ABCB5: variants seen among roughly 807,000 people sequenced by gnomAD.
ABCB5 encodes ATP-binding cassette sub-family B member 5.
A neutral mutation model predicts 144.2 loss-of-function variants in ABCB5; 155 were observed. That is an observed-to-expected ratio of 1.08 (90% CI 0.94 to 1.23). ABCB5 has a LOEUF of 1.23. Ranked by LOEUF, ABCB5 falls within the 50% of genes most tolerant of loss-of-function variation. ABCB5 has a pLI of 0.00. For missense variants in ABCB5, 1,830 were observed against 1,520.8 expected (o/e 1.20, Z -3.38); for synonymous variants, 610 against 528.6 (o/e 1.15, Z -2.11).
At chr7:20,719,588 A>G (rs1250125091) in intron 20 of ABCB5, among the ~76,000 whole-genome samples, 1 of 152,186 alleles carries the variant, frequency 6.6e-6, no homozygotes, top group Non-Finnish European at 1.5e-5. Context: ...AGTGTGGGAA[A>G]GGGGTAGGGC....
chr7:20,698,646 T>G, intron 17 of ABCB5, 96 bp downstream of exon 17: 2 of 1,281,150 alleles, frequency 1.6e-6, no homozygotes, highest in South Asian at 1.6e-5. Context: ...AGGGGAAAAT[T>G]GGGACTTTTA....
chr7:20,736,374 C>T (rs895194204), intron 23 of ABCB5, among the ~76,000 whole-genome samples: 5 of 152,080 alleles, frequency 3.3e-5, no homozygotes, highest in Non-Finnish European at 7.4e-5. Context: ...TGTGCCAACA[C>T]ACCCAGCTAA....
chr7:20,655,102 A>G (rs13243492), intron 13 of ABCB5, among the ~76,000 whole-genome samples: 36,599 of 127,392 alleles, frequency 0.29, 4,741 homozygotes, highest in African/African-American at 0.42. Flanking sequence ...AGAGAGAGAA[A>G]AGAGATGGCC....
At position 20,756,291 on chromosome 7, in the gene ABCB5, G is replaced by A. The variant is rs776822774; in HGVS notation, c.*667G>A. On this transcript the variant is annotated 3_prime_UTR_variant, in exon 28 of 28. Coordinates refer to ENST00000404938, the MANE Select transcript of ABCB5 (RefSeq NM_001163941.2). ...AAAGATTCATTATTCCAAACCTTGG[G>A]TTTGGCAGTATAAGTCACAGGCCTA... The A allele has an allele frequency of 6.6e-6, 1 of 152,282 alleles. No homozygotes were observed. The highest frequency in any genetic ancestry group is 1.5e-5 in the Non-Finnish European group (1 of 68,040). 9.4% of individuals were successfully genotyped at this position (152,282 alleles called of 1,614,324 possible). A position where few individuals can be genotyped will look rare whatever the true frequency, so the allele number is the denominator to read the frequency against.
intron 14 of ABCB5, among the ~76,000 whole-genome samples, chr7:20,670,767 G>A (rs963486668): frequency 6.6e-6 from 1 of 152,290 alleles, no homozygotes; most frequent in African/African-American, 2.4e-5. Context: ...AAATTAGGCA[G>A]GCGTGGTGGC....
intron 23 of ABCB5, among the ~76,000 whole-genome samples, chr7:20,735,986 C>T (rs917209807): frequency 1.3e-5 from 2 of 152,166 alleles, no homozygotes; most frequent in Admixed American, 1.3e-4. Context: ...ATTTTCTCCT[C>T]CTATCTGTTG....
intron 26 of ABCB5, among the ~76,000 whole-genome samples, chr7:20,749,759 G>C (rs1014262872): frequency 6.6e-6 from 1 of 152,020 alleles, no homozygotes; most frequent in Admixed American, 6.5e-5. Context: ...ATCACTTCTG[G>C]CTGGGGGTTC....
chr7:20,647,524 T>G lies in ABCB5; in HGVS notation c.982-11T>G. ...GCAGAAAGATAAATATCACTTTGTT[T>G]GTTCCTGTAGGTTTTCTTTAGTGTA... On this transcript the variant is annotated splice_polypyrimidine_tract_variant and intron_variant, in intron 9 of 27. Coordinates refer to ENST00000404938, the MANE Select transcript of ABCB5 (RefSeq NM_001163941.2). 1 of 1,541,052 alleles carries G rather than the reference T, an allele frequency of 6.5e-7. No homozygotes were observed. The highest frequency in any genetic ancestry group is 8.7e-7 in the Non-Finnish European group (1 of 1,146,620).
At chr7:20,718,881 AT>A (rs1199488233) in intron 20 of ABCB5, among the ~76,000 whole-genome samples, 2 of 152,130 alleles carry the variant, frequency 1.3e-5, no homozygotes, top group South Asian at 2.1e-4. Context: ...CCAGTTAGAA[AT>A]TTAACAATAG....
intron 14 of ABCB5, chr7:20,659,166 C>G (rs1469561683): frequency 1.9e-6 from 3 of 1,613,248 alleles, no homozygotes; most frequent in African/African-American, 1.3e-5. Context: ...CAAACCTCAC[C>G]CTGACCTCCT....
intron 14 of ABCB5, among the ~76,000 whole-genome samples, chr7:20,674,749 T>TACACACACACAC (rs71555815): frequency 7.1e-6 from 1 of 140,348 alleles, no homozygotes; most frequent in African/African-American, 2.6e-5. Context: ...CTCTAAAGAC[T>TACACACACACAC]ACACACACAC....
intron 16 of ABCB5, among the ~76,000 whole-genome samples, 188 bp downstream of exon 16, chr7:20,686,024 C>A (rs1415973918): frequency 1.3e-5 from 2 of 152,118 alleles, no homozygotes. Flanking sequence ...AATAAGGCTG[C>A]ATTTATATCA....
intron 5 of ABCB5, among the ~76,000 whole-genome samples, chr7:20,637,334 C>T (rs1283742809): frequency 1.3e-5 from 2 of 152,082 alleles, no homozygotes; most frequent in Non-Finnish European, 2.9e-5. Flanking sequence ...TTCTTGCTGA[C>T]TCCAGACTGA....
chr7:20,629,145 C>CGT (rs149986314), intron 4 of ABCB5, among the ~76,000 whole-genome samples: 8,816 of 135,036 alleles, frequency 0.065, 342 homozygotes, highest in Middle Eastern at 0.088. Flanking sequence ...AGAGAGACTG[C>CGT]GTGTGTGTGT....
At chr7:20,698,722 G>C (rs1405371939) in intron 17 of ABCB5, among the ~76,000 whole-genome samples, 172 bp downstream of exon 17, 1 of 152,206 alleles carries the variant, frequency 6.6e-6, no homozygotes, top group Admixed American at 6.5e-5. Flanking sequence ...AGATAAGCCA[G>C]CATCTCTTGT....
intron 14 of ABCB5, among the ~76,000 whole-genome samples, chr7:20,670,637 C>T (rs756181413): frequency 3.9e-5 from 6 of 152,280 alleles, no homozygotes; most frequent in East Asian, 1.9e-4. Flanking sequence ...TGGCCGGGTG[C>T]GGTGGCTCAT....
rs973457267 is a variant in ABCB5, at chr7:20,756,865, T to C, written c.*1241T>C. ...GTGATTTTATCTTTATTCTTCAGTG[T>C]ATTTTCTTCCATTTACACATTTAGC... On this transcript the variant is annotated 3_prime_UTR_variant, in exon 28 of 28. Transcript: ENST00000404938. 8 of 152,378 alleles carry C rather than the reference T, an allele frequency of 5.3e-5. No individual in the cohort carries two copies. The highest frequency in any genetic ancestry group is 1.2e-4 in the Non-Finnish European group (8 of 68,050). 9.4% of individuals were successfully genotyped at this position (152,378 alleles called of 1,614,324 possible).
Position 20,650,117 on chromosome 7 carries a change from G to T in ABCB5, c.1302G>T (p.Leu434=), listed in dbSNP as rs774478921. The T allele has an allele frequency of 8.1e-6, 13 of 1,613,496 alleles. No individual in the cohort carries two copies. The highest frequency in any genetic ancestry group is 1.1e-5 in the Non-Finnish European group (13 of 1,179,634). Reference sequence around the variant, plus strand: ...GGAAGAGTACGGTAGTCCAGCTTCTGCAGAGGTTATATGATCCGGATGATG... The same window carrying T: ...GGAAGAGTACGGTAGTCCAGCTTCTTCAGAGGTTATATGATCCGGATGATG... The part of the protein sequence containing the change: ...GSGKSTVVQL[L]QRLYDPDDGF... Residue 434 remains leucine (L), a synonymous_variant, in exon 12 of 28, where the codon CTG becomes CTT. Coordinates refer to ENST00000404938, the MANE Select transcript of ABCB5 (RefSeq NM_001163941.2).
In ABCB5 at chr7:20,651,599, TG is replaced by T. The variant is rs1784593696; in HGVS notation, c.1513del (p.Asp505IlefsTer14). 1 of 1,614,012 alleles carries T rather than the reference TG, an allele frequency of 6.2e-7. No homozygotes were observed. The highest frequency in any genetic ancestry group is 1.1e-5 in the South Asian group (1 of 91,084). On this transcript the variant is annotated frameshift_variant, in exon 13 of 28. Transcript: ENST00000404938. LOFTEE classifies it high-confidence loss of function. ...GAGCAGCAAGGGAAGCAAATGCGTATGATTTTATCATGGAGTTTCCTAATGT... is the reference window on the plus strand; with the variant it reads ...GAGCAGCAAGGGAAGCAAATGCGTATATTTTATCATGGAGTTTCCTAATGT... ...ERAAREANAY[D>X]FIMEFPNKFN...
Sources: allele counts gnomAD v4.1 joint callset (sites outside exome capture counted in the v4.1 genomes callset), GRCh38; gene constraint gnomAD v4.1.1; transcripts MANE v1.5; gene names NCBI Gene and HGNC (gene_info 2026-07-23, HGNC 2026-07-21).